Variants in GNB4 observed in about 807,000 individuals in gnomAD.
GNB4 encodes the protein guanine nucleotide-binding protein subunit beta-4.
Under a neutral mutation model 45.2 loss-of-function variants are expected in GNB4, and 28 were observed. That is an observed-to-expected ratio of 0.62 (90% confidence interval 0.46 to 0.85). GNB4 has a LOEUF of 0.85. GNB4 is among the 40% of genes least tolerant of loss of function. The pLI, the probability that GNB4 is intolerant of heterozygous loss-of-function variation, is 0.00. For synonymous variants in GNB4, 132 were observed against 143.7 expected, an observed-to-expected ratio of 0.92 and a Z score of 0.58; for missense variants, 321 against 425.4, an observed-to-expected ratio of 0.75 and a Z score of 2.16.
chr3:179,401,571 T>C (rs1714304077), intron 9 of GNB4, among the ~76,000 whole-genome samples: 1 of 152,230 alleles, frequency 6.6e-6, no homozygotes, highest in Non-Finnish European at 1.5e-5. Context: ...TGGTTTTAAT[T>C]TTTGAAAAAT....
At chr3:179,498,422 GGTTGA>G in the GNB4 span, among the ~76,000 whole-genome samples, 2 of 152,062 alleles carry the variant, frequency 1.3e-5, no homozygotes, top group Admixed American at 6.6e-5. Flanking sequence ...AAAAATAGTT[GGTTGA>G]GTTTTGTTTT....
intron 9 of GNB4, among the ~76,000 whole-genome samples, chr3:179,404,975 TACAG>T (rs1714420568): frequency 6.6e-6 from 1 of 152,160 alleles, no homozygotes. Context: ...AAGAAAATAT[TACAG>T]ACCTCAGTGT....
chr3:179,523,956 T>G, the GNB4 span, among the ~76,000 whole-genome samples: 2 of 152,154 alleles, frequency 1.3e-5, no homozygotes, highest in African/African-American at 4.8e-5. Flanking sequence ...CATAAAAGAA[T>G]GTTGTCCAAG....
intron 8 of GNB4, among the ~76,000 whole-genome samples, chr3:179,409,996 G>A (rs896357955): frequency 6.6e-6 from 1 of 152,140 alleles, no homozygotes; most frequent in Non-Finnish European, 1.5e-5. Context: ...CCTGCAGGCT[G>A]TTCTTGTGAC....
chr3:179,448,270 C>A (rs1265775754), intron 1 of GNB4, among the ~76,000 whole-genome samples: 1 of 152,202 alleles, frequency 6.6e-6, no homozygotes, highest in Non-Finnish European at 1.5e-5. Flanking sequence ...TGGCCTGTTT[C>A]ATGTTTTCAT....
At chr3:179,480,936 C>A in the GNB4 span, among the ~76,000 whole-genome samples, 1 of 150,498 alleles carries the variant, frequency 6.6e-6, no homozygotes, top group African/African-American at 2.5e-5. Context: ...ACTGCAAGCT[C>A]CGCCTCCCGG....
At chr3:179,502,164 A>G in the GNB4 span, among the ~76,000 whole-genome samples, 3 of 151,480 alleles carry the variant, frequency 2.0e-5, no homozygotes, top group African/African-American at 7.3e-5. Flanking sequence ...CATGAAGTAA[A>G]TGTATAATTT....
At chr3:179,453,672 T>A (rs1715937036), upstream of GNB4, among the ~76,000 whole-genome samples, 1 of 152,172 alleles carries the variant, frequency 6.6e-6, no homozygotes, top group African/African-American at 2.4e-5. Context: ...TGACTGTCTT[T>A]TAAAGAGTTT....
chr3:179,452,653 A>G (rs1715913958), upstream of GNB4, among the ~76,000 whole-genome samples: 1 of 152,186 alleles, frequency 6.6e-6, no homozygotes, highest in Non-Finnish European at 1.5e-5. Flanking sequence ...CGTTTTGTAT[A>G]AAAGCCAGGC....
the GNB4 span, among the ~76,000 whole-genome samples, chr3:179,514,489 G>A: frequency 6.6e-6 from 1 of 152,162 alleles, no homozygotes; most frequent in Non-Finnish European, 1.5e-5. Flanking sequence ...CTGACAGAGT[G>A]TTAGGGGCTG....
chr3:179,500,049 G>C, the GNB4 span, among the ~76,000 whole-genome samples: 1 of 152,184 alleles, frequency 6.6e-6, no homozygotes, highest in Non-Finnish European at 1.5e-5. Flanking sequence ...TCACTCTGTT[G>C]ATAGTTTCTT....
rs1208083356 is a variant in GNB4 at position 179,398,599 on chromosome 3, T to A, written c.*2614A>T. ...TTTTAAAAACTAAATCCAGCCAGAT[T>A]TTTCAGCCTTAAAAACTAAGATCCA... On this transcript the variant is annotated 3_prime_UTR_variant, in exon 10 of 10. Transcript: ENST00000232564. 6.6e-6 allele frequency: 1 copy of A among 152,062 alleles called. No homozygotes were observed. The highest frequency in any genetic ancestry group is 2.4e-5 in the African/African-American group (1 of 41,404). 9.4% of individuals were successfully genotyped at this position (152,062 alleles called of 1,614,324 possible).
chr3:179,484,832 A>ATGTGTGTGTG, the GNB4 span, among the ~76,000 whole-genome samples: 1 of 91,584 alleles, frequency 1.1e-5, no homozygotes, highest in Non-Finnish European at 2.1e-5. Context: ...ATATAGCTAT[A>ATGTGTGTGTG]TATATGTGTG....
At chr3:179,459,415 C>G in the GNB4 span, among the ~76,000 whole-genome samples, 49,325 of 151,956 alleles carry the variant, frequency 0.32, 8,575 homozygotes, top group African/African-American at 0.46. Context: ...GGGCGCAGTG[C>G]CTCACGCCTG....
Position 179,414,968 on chromosome 3 carries a change from C to A in GNB4, c.347G>T (p.Gly116Val). ...ATATATAGAGCAGATGTTGTCCAAG[C>A]CTCCACAGGCAACATAATTACCAGA... Reference protein sequence around the residue: ...APSGNYVACGGLDNICSIYNL... With the variant: ...APSGNYVACGVLDNICSIYNL... The change falls in exon 6 of 10, where the codon GGC (glycine) becomes GTC (valine). Residue 116 changes from glycine to valine, a missense_variant. Coordinates refer to ENST00000232564, the MANE Select transcript of GNB4 (RefSeq NM_021629.4). 1 of 1,612,606 alleles carries A rather than the reference C, an allele frequency of 6.2e-7. No individual in the cohort carries two copies.
chr3:179,525,158 G>A, the GNB4 span, among the ~76,000 whole-genome samples: 1 of 152,206 alleles, frequency 6.6e-6, no homozygotes, highest in Non-Finnish European at 1.5e-5. Flanking sequence ...ATGTGTAAAA[G>A]AATGCCTGGA....
At chr3:179,483,752 C>G in the GNB4 span, among the ~76,000 whole-genome samples, 18 of 152,084 alleles carry the variant, frequency 1.2e-4, no homozygotes, top group African/African-American at 4.1e-4. Context: ...TTGTTTTACT[C>G]TCTGTAGATT....
intron 1 of GNB4, among the ~76,000 whole-genome samples, chr3:179,430,913 A>T (rs1240056655): frequency 6.6e-6 from 1 of 152,170 alleles, no homozygotes; most frequent in Non-Finnish European, 1.5e-5. Flanking sequence ...TAGCTTCACA[A>T]AGTATTAATT....
At chr3:179,451,627 G>C (rs1577043914), upstream of GNB4, 1 of 151,394 alleles carries the variant, frequency 6.6e-6, no homozygotes. Flanking sequence ...GCCCGGGCGG[G>C]GGGCGAAGGG....
Sources: gnomAD v4.1 joint callset for allele counts (sites outside exome capture counted in the v4.1 genomes callset) on GRCh38, gnomAD v4.1.1 for gene constraint, MANE v1.5 for transcripts, NCBI Gene and HGNC (gene_info 2026-07-23, HGNC 2026-07-21) for gene names.